CTNND2: variants seen among roughly 807,000 people sequenced by gnomAD.
The protein encoded by CTNND2 is catenin delta-2.
A neutral mutation model predicts 144.4 loss-of-function variants in CTNND2; 22 were observed. The observed-to-expected ratio is 0.15, with a 90% CI of 0.11 to 0.22. CTNND2 has a LOEUF of 0.22. CTNND2 is among the 10% of genes least tolerant of loss of function. CTNND2 has a pLI of 1.00. For synonymous variants in CTNND2, 751 were observed against 695.6 expected (o/e 1.08, Z -1.25); for missense variants, 1,353 against 1,618.8 (o/e 0.84, Z 2.82).
At chr5:11,512,149 G>A (rs1030789620) in intron 3 of CTNND2, among the ~76,000 whole-genome samples, 3 of 152,134 alleles carry the variant, frequency 2.0e-5, no homozygotes, top group African/African-American at 7.2e-5. Context: ...GCCCCACACT[G>A]AGAAGAACAA....
At chr5:11,893,669 G>A (rs577450933) in intron 1 of CTNND2, among the ~76,000 whole-genome samples, 3 of 152,172 alleles carry the variant, frequency 2.0e-5, no homozygotes, top group African/African-American at 4.8e-5. Context: ...CTTTCTGAAC[G>A]TTAATTTCCT....
chr5:11,565,113 A>C lies in CTNND2; in HGVS notation c.175-57T>G, dbSNP rs867232450. On this transcript the variant is annotated intron_variant, in intron 2 of 21. Coordinates refer to ENST00000304623, the MANE Select transcript of CTNND2 (RefSeq NM_001332.4). Reference sequence around the variant, plus strand: ...ATCATCTACATGACAGGTGAAATTCAGACCAAAATAATAGGACGGCTGAGG... The same window carrying C: ...ATCATCTACATGACAGGTGAAATTCCGACCAAAATAATAGGACGGCTGAGG... 322 of 1,180,464 alleles carry C rather than the reference A, an allele frequency of 2.7e-4. 2 individuals carry two copies. Among genetic ancestry groups the C allele is most frequent in the Middle Eastern group, 2.7e-3 (14 of 5,214 alleles). 73.1% of individuals were successfully genotyped at this position (1,180,464 alleles called of 1,614,324 possible).
intron 2 of CTNND2, among the ~76,000 whole-genome samples, chr5:11,585,447 A>G (rs1025395574): frequency 6.6e-6 from 1 of 151,548 alleles, no homozygotes; most frequent in Non-Finnish European, 1.5e-5. Context: ...ATTTATTTAT[A>G]TATATAACAC....
chr5:11,086,909 T>A (rs1750214687), intron 15 of CTNND2, among the ~76,000 whole-genome samples: 1 of 152,242 alleles, frequency 6.6e-6, no homozygotes, highest in Non-Finnish European at 1.5e-5. Context: ...ATCCTAATAA[T>A]TTGCTAAATT....
chr5:11,082,893 C>T (rs1274590014), intron 15 of CTNND2, 47 bp from the exon 16 acceptor site: 1 of 1,599,984 alleles, frequency 6.3e-7, no homozygotes, highest in Non-Finnish European at 8.5e-7. Flanking sequence ...GGAAGAAACC[C>T]TGCATGCAAA....
chr5:11,563,840 G>A (rs1776863305), intron 3 of CTNND2, among the ~76,000 whole-genome samples: 1 of 152,044 alleles, frequency 6.6e-6, no homozygotes, highest in Non-Finnish European at 1.5e-5. Flanking sequence ...CAAATATAAA[G>A]TATTTTGGAA....
At chr5:10,995,806 G>T (rs1324820537) in intron 18 of CTNND2, among the ~76,000 whole-genome samples, 3 of 152,220 alleles carry the variant, frequency 2.0e-5, no homozygotes, top group Non-Finnish European at 2.9e-5. Flanking sequence ...CACAGAAACA[G>T]ACTGTGGCCA....
chr5:11,113,755 C>T (rs1262191043), intron 13 of CTNND2, among the ~76,000 whole-genome samples: 1 of 152,232 alleles, frequency 6.6e-6, no homozygotes, highest in Admixed American at 6.5e-5. Flanking sequence ...GAGTACCTCC[C>T]ACCAGACTGA....
intron 2 of CTNND2, among the ~76,000 whole-genome samples, chr5:11,707,523 T>C (rs1416833119): frequency 2.0e-5 from 3 of 152,158 alleles, no homozygotes; most frequent in Admixed American, 2.0e-4. Flanking sequence ...ATTTGTACCT[T>C]TCCAGCCTCT....
At chr5:11,458,267 G>A (rs1273811510) in intron 3 of CTNND2, among the ~76,000 whole-genome samples, 1 of 151,420 alleles carries the variant, frequency 6.6e-6, no homozygotes, top group Non-Finnish European at 1.5e-5. Flanking sequence ...CAGGCCCAGG[G>A]GAACATGCTG....
intron 1 of CTNND2, among the ~76,000 whole-genome samples, chr5:11,833,495 G>A (rs945939659): frequency 5.3e-5 from 8 of 152,074 alleles, no homozygotes; most frequent in Non-Finnish European, 8.8e-5. Flanking sequence ...AGTGGGGAAG[G>A]AGGGAGCTTG....
At chr5:11,773,966 G>C (rs1045279734) in intron 1 of CTNND2, among the ~76,000 whole-genome samples, 1 of 152,158 alleles carries the variant, frequency 6.6e-6, no homozygotes, top group Non-Finnish European at 1.5e-5. Context: ...TGCACTTCCT[G>C]TTCTGACCAA....
intron 18 of CTNND2, among the ~76,000 whole-genome samples, chr5:10,994,429 A>AGGGGGTGGGG (rs1739109841): frequency 1.2e-4 from 3 of 24,164 alleles, no homozygotes; most frequent in Non-Finnish European, 2.2e-4. Flanking sequence ...GGAAGGAGGA[A>AGGGGGTGGGG]AGGGGTGGGG....
intron 1 of CTNND2, among the ~76,000 whole-genome samples, chr5:11,818,219 G>C (rs1793121139): frequency 6.6e-6 from 1 of 151,880 alleles, no homozygotes; most frequent in Non-Finnish European, 1.5e-5. Flanking sequence ...ATTATCATAA[G>C]GGCTTTGACA....
chr5:11,286,968 A>G (rs1213354807), intron 9 of CTNND2, among the ~76,000 whole-genome samples: 2 of 152,194 alleles, frequency 1.3e-5, no homozygotes, highest in Non-Finnish European at 2.9e-5. Flanking sequence ...TAGTCTATCC[A>G]TGCAATGGAA....
At chr5:11,231,477 G>A (rs946785550) in intron 10 of CTNND2, among the ~76,000 whole-genome samples, 5 of 152,308 alleles carry the variant, frequency 3.3e-5, no homozygotes, top group African/African-American at 1.2e-4. Flanking sequence ...AGATAGATAT[G>A]CGGAACTTCT....
At chr5:11,899,127 G>T (rs1737652434) in intron 1 of CTNND2, among the ~76,000 whole-genome samples, 1 of 152,160 alleles carries the variant, frequency 6.6e-6, no homozygotes, top group Non-Finnish European at 1.5e-5. Flanking sequence ...TTTAATTGGG[G>T]AGGGGGTCTT....
intron 3 of CTNND2, among the ~76,000 whole-genome samples, chr5:11,414,569 A>C (rs1761783604): frequency 6.6e-6 from 1 of 152,222 alleles, no homozygotes. Flanking sequence ...GCAGGGATTT[A>C]AACTGATGTG....
At chr5:11,485,354 T>C (rs980481696) in intron 3 of CTNND2, among the ~76,000 whole-genome samples, 2 of 125,372 alleles carry the variant, frequency 1.6e-5, no homozygotes, top group Non-Finnish European at 3.7e-5. Context: ...ACTGTGTGTG[T>C]GTGTGTGTGT....
Sources: allele counts gnomAD v4.1 joint callset (sites outside exome capture counted in the v4.1 genomes callset), GRCh38; gene constraint gnomAD v4.1.1; transcripts MANE v1.5; gene names NCBI Gene and HGNC (gene_info 2026-07-23, HGNC 2026-07-21).